C1orf116: variants seen among roughly 807,000 people sequenced by gnomAD.
C1orf116 encodes the protein specifically androgen-regulated gene protein.
In C1orf116, 12 loss-of-function variants were observed where a neutral mutation model predicts 14.1. That is an observed-to-expected ratio of 0.85 (90% CI 0.54 to 1.38). C1orf116 has a LOEUF of 1.38. Ranked by LOEUF, C1orf116 falls within the 40% of genes most tolerant of loss-of-function variation. C1orf116 has a pLI of 0.00. For missense variants in C1orf116, 797 were observed against 747.0 expected (o/e 1.07, Z -0.78); for synonymous variants, 296 against 299.0 (o/e 0.99, Z 0.10).
rs377283570 is a variant in C1orf116, at chr1:207,021,908, A to G, written c.*50T>C. On this transcript the variant is annotated 3_prime_UTR_variant, in exon 4 of 4. Coordinates refer to ENST00000359470, the MANE Select transcript of C1orf116 (RefSeq NM_023938.6). ...GGTGGCAAAGGCTCCCAAGTGGAGCATGTGTCTCTTCTTGTTCAGCCAGGA... is the reference window on the plus strand; with the variant it reads ...GGTGGCAAAGGCTCCCAAGTGGAGCGTGTGTCTCTTCTTGTTCAGCCAGGA... The G allele has an allele frequency of 2.7e-6, 4 of 1,473,476 alleles. No homozygotes were observed. In the African/African-American group the frequency reaches 5.6e-5, roughly 21 times the overall value. The allele number at this position is 1,473,476 out of a possible 1,614,324, so 91.3% of individuals were successfully genotyped here. A position where few individuals can be genotyped will look rare whatever the true frequency, so the allele number is the denominator to read the frequency against.
chr1:207,030,972 G>T (rs913086604), intron 1 of C1orf116, among the ~76,000 whole-genome samples: 2 of 152,134 alleles, frequency 1.3e-5, no homozygotes, highest in African/African-American at 4.8e-5. Flanking sequence ...ATGGTGGGGT[G>T]GGGAGAGGGC....
chr1:207,024,915 T>A lies in C1orf116; in HGVS notation c.255A>T (p.Ala85=). The part of the protein sequence containing the change: ...EPATTPRGFR[A]LPITQPTPRG... The stretch of plus-strand genomic sequence containing the variant: ...GGGGAGTGGGTTGGGTTATGGGCAG[T>A]GCTCGGAAACCTCTGGGAGTTGTGG... Residue 85 remains alanine (A), a synonymous_variant, in exon 3 of 4, where the codon GCA becomes GCT. Transcript: ENST00000359470. 1 of 1,613,980 alleles carries A rather than the reference T, an allele frequency of 6.2e-7. No homozygotes were observed. Among genetic ancestry groups the A allele is most frequent in the Non-Finnish European group, 8.5e-7 (1 of 1,179,912 alleles).
At chr1:207,031,201 T>A (rs2842728) in intron 1 of C1orf116, among the ~76,000 whole-genome samples, 17,089 of 152,212 alleles carry the variant, frequency 0.11, 3,138 homozygotes, top group African/African-American at 0.38. Context: ...AATAGCAGAA[T>A]GACTAAAACT....
Position 207,023,581 on chromosome 1 carries a change from A to G in C1orf116, c.284-101T>C, listed in dbSNP as rs572305397. 4.2e-6 allele frequency: 6 copies of G among 1,435,504 alleles called. No homozygotes were observed. The East Asian group carries it at 1.5e-4, about 35-fold the overall frequency. 88.9% of individuals were successfully genotyped at this position (1,435,504 alleles called of 1,614,324 possible). On this transcript the variant is annotated intron_variant, in intron 3 of 3. Transcript: ENST00000359470. The stretch of plus-strand genomic sequence containing the variant: ...GAAAGCAATGACTTCCTGAACTCTG[A>G]TCCCAAACTAGCAATGAATGGGTTT...
chr1:207,022,676 G>T lies in C1orf116; in HGVS notation c.1088C>A (p.Pro363His). Residue 363 changes from proline (P) to histidine (H), a missense_variant, in exon 4 of 4, where the codon CCT becomes CAT. Transcript: ENST00000359470. ...KLGLPQDQDE[P>H]GLHLSKPTSS... ...GGTGGGCTTACTTAAGTGGAGTCCA[G>T]GCTCATCTTGATCCTGGGGTAGCCC... The T allele has an allele frequency of 6.2e-7, 1 of 1,614,040 alleles. No individual in the cohort carries two copies. The highest frequency in any genetic ancestry group is 1.1e-5 in the South Asian group (1 of 91,078).
At position 207,024,970 on chromosome 1, in the gene C1orf116, C is replaced by T. The variant is rs1415403854; in HGVS notation, c.200G>A (p.Ser67Asn). 6.2e-7 allele frequency: 1 copy of T among 1,613,882 alleles called. No individual in the cohort carries two copies. Among genetic ancestry groups the T allele is most frequent in the East Asian group, 2.2e-5 (1 of 44,884 alleles). The part of the protein sequence containing the change: ...TIGSLDTEAD[S>N]GLSTDESEPA... ...CTCAGACTCGTCAGTGGACAGTCCG[C>T]TGTCAGCCTCCGTGTCCAGTGAGCC... Residue 67 changes from serine (S) to asparagine (N), a missense_variant, in exon 3 of 4, where the codon AGC (serine) becomes AAC (asparagine). By Grantham distance (46) the Ser-to-Asn change is conservative (BLOSUM62 1). Transcript: ENST00000359470.
chr1:207,022,962 C>T lies in C1orf116; in HGVS notation c.802G>A (p.Gly268Arg). 1 of 1,614,098 alleles carries T rather than the reference C, an allele frequency of 6.2e-7. No individual in the cohort carries two copies. Among genetic ancestry groups the T allele is most frequent in the Non-Finnish European group, 8.5e-7 (1 of 1,180,008 alleles). The change falls in exon 4 of 4, where the codon GGG (glycine) becomes AGG (arginine). Residue 268 changes from glycine (G) to arginine (R), a missense_variant. By Grantham distance (125) the Gly-to-Arg change is moderately radical (BLOSUM62 -2). Transcript: ENST00000359470. ...RYTQPQPPPAGLPQNARAEDA... is the reference protein window; with the variant it reads ...RYTQPQPPPARLPQNARAEDA... ...TCAGCTCTTGCATTCTGAGGCAACC[C>T]TGCAGGAGGAGGCTGGGGTTGTGTG... is the stretch of plus-strand genomic sequence containing the variant.
In C1orf116 at chr1:207,023,104, C is replaced by G. The variant is rs1376222827; in HGVS notation, c.660G>C (p.Gly220=). ...EQCREASLPE[G]PGQQGHTPQL... is the part of the protein sequence containing the mutation. Reference sequence around the variant, plus strand: ...GGGGTGTGTGGCCCTGCTGTCCTGGCCCCTCGGGCAGGCTGGCTTCCCTAC... The same window carrying G: ...GGGGTGTGTGGCCCTGCTGTCCTGGGCCCTCGGGCAGGCTGGCTTCCCTAC... The change falls in exon 4 of 4, where the codon GGG becomes GGC. Residue 220 remains glycine (G), a synonymous_variant. Transcript: ENST00000359470. The G allele has an allele frequency of 4.3e-6, 7 of 1,612,600 alleles. No individual in the cohort carries two copies. Among genetic ancestry groups the G allele is most frequent in the Non-Finnish European group, 5.9e-6 (7 of 1,179,940 alleles).
In C1orf116 at chr1:207,022,810, G is replaced by T. The variant is rs762885342; in HGVS notation, c.954C>A (p.Pro318=). The part of the protein sequence containing the change: ...KSSRSSFHSD[P]QHWLSRHTEA... Reference sequence around the variant, plus strand: ...CAGTGTGGCGGGACAGCCAGTGCTGGGGGTCACTGTGGAAACTGCTTCGGC... The same window carrying T: ...CAGTGTGGCGGGACAGCCAGTGCTGTGGGTCACTGTGGAAACTGCTTCGGC... The change falls in exon 4 of 4, where the codon CCC becomes CCA. Residue 318 remains proline (P), a synonymous_variant. Transcript: ENST00000359470. 9.3e-6 allele frequency: 15 copies of T among 1,614,088 alleles called. No individual in the cohort carries two copies. In the South Asian group the frequency reaches 1.6e-4, roughly 18 times the overall value.
intron 1 of C1orf116, among the ~76,000 whole-genome samples, chr1:207,028,332 T>C (rs778291155): frequency 6.6e-6 from 1 of 152,196 alleles, no homozygotes; most frequent in Non-Finnish European, 1.5e-5. Flanking sequence ...ACAGGTCCCT[T>C]AATAATACCT....
chr1:207,023,886 A>C (rs1395804390), intron 3 of C1orf116, among the ~76,000 whole-genome samples: 1 of 152,162 alleles, frequency 6.6e-6, no homozygotes, highest in African/African-American at 2.4e-5. Context: ...GTGACCCCTG[A>C]TTGCTCTAAG....
chr1:207,031,430 G>T (rs1035542319), intron 1 of C1orf116, among the ~76,000 whole-genome samples: 1 of 152,164 alleles, frequency 6.6e-6, no homozygotes, highest in Admixed American at 6.5e-5. Context: ...TGTTGGCTCT[G>T]TGGTGTGAGG....
intron 2 of C1orf116, among the ~76,000 whole-genome samples, chr1:207,025,633 A>G (rs1333021334): frequency 6.6e-6 from 1 of 152,228 alleles, no homozygotes; most frequent in Non-Finnish European, 1.5e-5. Context: ...GGCCAGTAGG[A>G]ACTGTGGCAT....
intron 1 of C1orf116, among the ~76,000 whole-genome samples, chr1:207,028,654 A>T (rs909082794): frequency 1.3e-5 from 2 of 152,222 alleles, no homozygotes; most frequent in Non-Finnish European, 2.9e-5. Flanking sequence ...AGGGAAAAAA[A>T]GTTTCAATGT....
In C1orf116 at chr1:207,021,869, G is replaced by T; in HGVS notation, c.*89C>A. The T allele has an allele frequency of 7.6e-7, 1 of 1,317,812 alleles. No individual in the cohort carries two copies. Among genetic ancestry groups the T allele is most frequent in the Non-Finnish European group, 1.0e-6 (1 of 979,976 alleles). 81.6% of individuals were successfully genotyped at this position (1,317,812 alleles called of 1,614,324 possible). A position where few individuals can be genotyped will look rare whatever the true frequency, so the allele number is the denominator to read the frequency against. ...AATCTCTCCCTCCCATTCATCTTGAGCCCTGAGTTGCGTGGTGGCAAAGGC... is the reference window on the plus strand; with the variant it reads ...AATCTCTCCCTCCCATTCATCTTGATCCCTGAGTTGCGTGGTGGCAAAGGC... On this transcript the variant is annotated 3_prime_UTR_variant, in exon 4 of 4. Coordinates refer to ENST00000359470, the MANE Select transcript of C1orf116 (RefSeq NM_023938.6).
chr1:207,022,899 G>A lies in C1orf116; in HGVS notation c.865C>T (p.Arg289Ter), dbSNP rs1331408791. Residue 289 changes from arginine (R) to a stop codon, truncating the protein, a stop_gained, in exon 4 of 4, where the codon CGA (arginine) becomes TGA (stop). Coordinates refer to ENST00000359470, the MANE Select transcript of C1orf116 (RefSeq NM_023938.6). LOFTEE classifies it low-confidence loss of function (END_TRUNC). ...PLSSGEDPNS[R>*]LAPLTTPKPR... ...TTAGGGGTTGTGAGGGGAGCTAGTC[G>A]GCTGTTTGGGTCCTCCCCTGATGAG... 7.4e-6 allele frequency: 12 copies of A among 1,613,932 alleles called. No individual in the cohort carries two copies. Among genetic ancestry groups the A allele is most frequent in the African/African-American group, 2.7e-5 (2 of 74,918 alleles).
In C1orf116 at chr1:207,022,861, C is replaced by A; in HGVS notation, c.903G>T (p.Leu301=). The change falls in exon 4 of 4, where the codon CTG becomes CTT. Residue 301 remains leucine, a synonymous_variant. Transcript: ENST00000359470. The part of the protein sequence containing the change: ...APLTTPKPRK[L]PPNIVLKSSR... Reference sequence around the variant, plus strand: ...TGCTCTTCAGAACAATATTAGGTGGCAGCTTCCGGGGCTTAGGGGTTGTGA... The same window carrying A: ...TGCTCTTCAGAACAATATTAGGTGGAAGCTTCCGGGGCTTAGGGGTTGTGA... 6.2e-7 allele frequency: 1 copy of A among 1,614,026 alleles called. No homozygotes were observed. Among genetic ancestry groups the A allele is most frequent in the South Asian group, 1.1e-5 (1 of 91,070 alleles).
chr1:207,025,884 A>G (rs1422927796), intron 2 of C1orf116, among the ~76,000 whole-genome samples: 1 of 152,220 alleles, frequency 6.6e-6, no homozygotes, highest in East Asian at 1.9e-4. Context: ...CTTAAAGTAG[A>G]TCATATTCAT....
In C1orf116 at chr1:207,022,426, A is replaced by G; in HGVS notation, c.1338T>C (p.Pro446=). 6.2e-7 allele frequency: 1 copy of G among 1,614,136 alleles called. No homozygotes were observed. Among genetic ancestry groups the G allele is most frequent in the South Asian group, 1.1e-5 (1 of 91,082 alleles). Residue 446 remains proline, a synonymous_variant, in exon 4 of 4, where the codon CCT becomes CCC. Coordinates refer to ENST00000359470, the MANE Select transcript of C1orf116 (RefSeq NM_023938.6). ...GGGCACTGTTTGCCCTTGGGGCCTT[A>G]GGGATAGAAATTGGCATAGATTTGC... ...AASKSMPISI[P]KAPRANSALT...
Sources: gnomAD v4.1 joint callset for allele counts (sites outside exome capture counted in the v4.1 genomes callset) on GRCh38, gnomAD v4.1.1 for gene constraint, MANE v1.5 for transcripts, NCBI Gene and HGNC (gene_info 2026-07-23, HGNC 2026-07-21) for gene names.